SVOPL: variants seen among roughly 807,000 people sequenced by gnomAD.
SVOPL encodes SVOP like, also known as putative transporter SVOPL.
In SVOPL, 60 loss-of-function variants were observed where a neutral mutation model predicts 61.0. That is an observed-to-expected ratio of 0.98 (90% CI 0.80 to 1.22). The LOEUF is 1.22. SVOPL is among the 50% of genes most tolerant of loss of function. The pLI is 0.00. For synonymous variants in SVOPL, 279 were observed against 250.0 expected (o/e 1.12, Z -1.09); for missense variants, 662 against 643.9 (o/e 1.03, Z -0.30).
At chr7:138,613,240 G>A (rs371475170) in intron 14 of SVOPL, among the ~76,000 whole-genome samples, 7 of 151,740 alleles carry the variant, frequency 4.6e-5, no homozygotes, top group African/African-American at 7.3e-5. Flanking sequence ...GGCTGGTCTC[G>A]AACCCCTGAC....
chr7:138,621,761 G>C (rs537887250), intron 13 of SVOPL, among the ~76,000 whole-genome samples: 1 of 151,236 alleles, frequency 6.6e-6, no homozygotes, highest in South Asian at 2.1e-4. Context: ...CTTTGCTGTT[G>C]CAGAATCTTA....
intron 3 of SVOPL, among the ~76,000 whole-genome samples, chr7:138,675,026 T>C (rs989687161): frequency 6.6e-6 from 1 of 152,128 alleles, no homozygotes; most frequent in Non-Finnish European, 1.5e-5. Context: ...ACTGTACAGA[T>C]AAGGAAATCT....
At chr7:138,623,466 G>A (rs1053520065) in intron 13 of SVOPL, among the ~76,000 whole-genome samples, 2 of 151,996 alleles carry the variant, frequency 1.3e-5, no homozygotes, top group Non-Finnish European at 2.9e-5. Flanking sequence ...CGGGCGTGGT[G>A]GCGGGCACCT....
intron 10 of SVOPL, among the ~76,000 whole-genome samples, chr7:138,628,804 T>C (rs951517085): frequency 6.6e-6 from 1 of 152,182 alleles, no homozygotes; most frequent in Non-Finnish European, 1.5e-5. Flanking sequence ...GACTTTAAGG[T>C]TGAGCATGTT....
chr7:138,628,324 G>A lies in SVOPL; in HGVS notation c.903C>T (p.Ala301=), dbSNP rs755107304. ...ISFAYYGVIL[A]SAELLERDLV... is the part of the protein sequence containing the mutation. ...AGTCCCGCTCCAGCAGCTCAGCACTGGCCAGGATAACCCCATAGTAGGCAA... is the reference window on the plus strand; with the variant it reads ...AGTCCCGCTCCAGCAGCTCAGCACTAGCCAGGATAACCCCATAGTAGGCAA... Residue 301 remains alanine (A), a synonymous_variant, in exon 11 of 16, where the codon GCC becomes GCT. Transcript: ENST00000674285. 9 of 1,614,052 alleles carry A rather than the reference G, an allele frequency of 5.6e-6. No homozygotes were observed. The East Asian group carries it at 2.0e-4, about 36-fold the overall frequency.
chr7:138,642,225 C>T lies in SVOPL; in HGVS notation c.789+2492G>A, dbSNP rs953397994. 4.9e-5 allele frequency among the ~76,000 whole-genome samples: 7 copies of T among 143,388 alleles called. No individual in the cohort carries two copies. In the Admixed American group the frequency reaches 5.0e-4, roughly 10 times the overall value. The allele number at this position is 143,388 out of a possible 152,430, so 94.1% of individuals were successfully genotyped here. On this transcript the variant is annotated intron_variant, in intron 9 of 15. Transcript: ENST00000674285. ...AAAAACACTGAAAATAAATGATCAT[C>T]TAAGTATTGAACTCAACAAGCTAGA... is the stretch of plus-strand genomic sequence containing the variant.
At chr7:138,647,685 C>T (rs930441464) in intron 8 of SVOPL, among the ~76,000 whole-genome samples, 1 of 151,688 alleles carries the variant, frequency 6.6e-6, no homozygotes, top group South Asian at 2.1e-4. Context: ...CCCATCTCTA[C>T]TAAAATACAA....
At chr7:138,617,109 C>CA (rs376602217) in intron 14 of SVOPL, among the ~76,000 whole-genome samples, 74 of 152,282 alleles carry the variant, frequency 4.9e-4, no homozygotes, top group African/African-American at 1.7e-3. Context: ...TCTGGGATTA[C>CA]AGGCACCCTC....
chr7:138,624,584 A>G (rs1200459443), intron 13 of SVOPL, among the ~76,000 whole-genome samples: 1 of 152,202 alleles, frequency 6.6e-6, no homozygotes, highest in Non-Finnish European at 1.5e-5. Context: ...ACAAAAAGTC[A>G]TCTTGATATA....
intron 1 of SVOPL, among the ~76,000 whole-genome samples, chr7:138,680,931 G>A (rs1802687851): frequency 1.3e-5 from 2 of 151,930 alleles, no homozygotes. Flanking sequence ...TATATTCCTA[G>A]TGGGATAAAC....
At chr7:138,657,050 A>AC (rs1424813707) in intron 6 of SVOPL, among the ~76,000 whole-genome samples, 2 of 151,974 alleles carry the variant, frequency 1.3e-5, no homozygotes, top group African/African-American at 4.8e-5. Context: ...AAGACAAAAA[A>AC]AAAAAGAAAT....
At chr7:138,641,495 A>AC (rs1228857671) in intron 9 of SVOPL, among the ~76,000 whole-genome samples, 2 of 151,820 alleles carry the variant, frequency 1.3e-5, no homozygotes, top group African/African-American at 4.8e-5. Context: ...ACATGGCGAA[A>AC]CCCCATCTCT....
intron 14 of SVOPL, among the ~76,000 whole-genome samples, chr7:138,597,412 C>T (rs1232650230): frequency 6.6e-6 from 1 of 152,154 alleles, no homozygotes; most frequent in Non-Finnish European, 1.5e-5. Context: ...AGTGTTACCA[C>T]CACCACTTAG....
chr7:138,671,134 T>C (rs986925980), intron 4 of SVOPL, among the ~76,000 whole-genome samples: 2 of 152,170 alleles, frequency 1.3e-5, no homozygotes, highest in African/African-American at 4.8e-5. Context: ...TGGGGAGCAG[T>C]GGCTATAGAA....
rs73730414 is a variant in SVOPL at position 138,662,102 on chromosome 7, C to G, written c.345+972G>C. 9,467 of 985,388 alleles carry G rather than the reference C, an allele frequency of 9.6e-3. 429 individuals carry two copies. In the East Asian group the frequency reaches 0.22, roughly 23 times the overall value. 61.0% of individuals were successfully genotyped at this position (985,388 alleles called of 1,614,324 possible). A position where few individuals can be genotyped will look rare whatever the true frequency, so the allele number is the denominator to read the frequency against. On this transcript the variant is annotated intron_variant, in intron 5 of 15. Coordinates refer to ENST00000674285, the MANE Select transcript of SVOPL (RefSeq NM_001139456.2). The stretch of plus-strand genomic sequence containing the variant: ...AGTTTGGGTGGCTTCTTTATAAACT[C>G]TCTCATTTAAGAGCATGGGCTTCCA...
chr7:138,637,749 C>G (rs1341253151), intron 9 of SVOPL, among the ~76,000 whole-genome samples: 9 of 151,338 alleles, frequency 5.9e-5, no homozygotes, highest in Non-Finnish European at 1.2e-4. Context: ...GTCAGGAGTT[C>G]GAGACCAACC....
intron 1 of SVOPL, among the ~76,000 whole-genome samples, chr7:138,695,169 A>G (rs1408791578): frequency 6.6e-6 from 1 of 152,234 alleles, no homozygotes; most frequent in Non-Finnish European, 1.5e-5. Context: ...ATAAAATACA[A>G]TGAAAAGAGT....
At chr7:138,611,594 G>A (rs934368857) in intron 14 of SVOPL, among the ~76,000 whole-genome samples, 4 of 152,032 alleles carry the variant, frequency 2.6e-5, no homozygotes, top group Admixed American at 2.6e-4. Context: ...CTTACGAGCT[G>A]ATTTTTTTTC....
intron 1 of SVOPL, chr7:138,689,417 C>A: frequency 7.8e-7 from 1 of 1,273,944 alleles, no homozygotes; most frequent in Non-Finnish European, 1.1e-6. Flanking sequence ...CCTGCCACAT[C>A]GAGATGATCC....
Sources: allele counts gnomAD v4.1 joint callset (sites outside exome capture counted in the v4.1 genomes callset), GRCh38; gene constraint gnomAD v4.1.1; transcripts MANE v1.5; gene names NCBI Gene and HGNC (gene_info 2026-07-23, HGNC 2026-07-21).